The following SIPA1L3 variants were observed in gnomAD, a reference collection of about 807,000 sequenced individuals.
SIPA1L3 encodes signal induced proliferation associated 1 like 3, also known as signal-induced proliferation-associated 1-like protein 3.
Under a neutral mutation model 150.1 loss-of-function variants are expected in SIPA1L3, and 59 were observed. The ratio of observed to expected loss-of-function variants is 0.39; its 90% confidence interval spans 0.32 to 0.49. The LOEUF is 0.49. Among genes scored for constraint, SIPA1L3 ranks in the 20% least tolerant of loss-of-function variants. The pLI, the probability that SIPA1L3 is intolerant of heterozygous loss-of-function variation, is 0.86. For missense variants in SIPA1L3, 2,211 were observed against 2,489.5 expected (o/e 0.89, Z 2.38); for synonymous variants, 1,070 against 1,077.6 (o/e 0.99, Z 0.14).
chr19:37,966,779 G>A (rs1036196027), intron 1 of SIPA1L3, among the ~76,000 whole-genome samples: 3 of 152,182 alleles, frequency 2.0e-5, no homozygotes, highest in Non-Finnish European at 2.9e-5. Context: ...CTGGGGGAAG[G>A]GAAAGGCAGA....
At chr19:37,925,637 A>G (rs2046497055) in intron 1 of SIPA1L3, among the ~76,000 whole-genome samples, 1 of 124,938 alleles carries the variant, frequency 8.0e-6, no homozygotes, top group East Asian at 2.2e-4. Context: ...CTCTGTTGCC[A>G]GGCTGGAGTG....
rs753217396 is a variant in SIPA1L3, at chr19:38,198,537, G to GC, written c.4984+6dup. On this transcript the variant is annotated splice_donor_region_variant and intron_variant, in intron 19 of 21. Transcript: ENST00000222345. The stretch of plus-strand genomic sequence containing the variant: ...ACGCAGCCAAGGCATACGAAGGTAG[G>GC]CGCCTTCCACCCAGTCCCGCCAGGC... 12 of 1,539,670 alleles carry GC rather than the reference G, an allele frequency of 7.8e-6. No individual in the cohort carries two copies. The highest frequency in any genetic ancestry group is 2.0e-5 in the Admixed American group (1 of 48,994).
intron 1 of SIPA1L3, among the ~76,000 whole-genome samples, chr19:37,937,768 C>G (rs1286661876): frequency 2.3e-5 from 1 of 44,308 alleles, no homozygotes. Flanking sequence ...AAAAAAAGAC[C>G]AGGCACGGTG....
At chr19:38,034,947 GA>G (rs1173802560) in intron 2 of SIPA1L3, among the ~76,000 whole-genome samples, 1 of 152,180 alleles carries the variant, frequency 6.6e-6, no homozygotes, top group Non-Finnish European at 1.5e-5. Context: ...GTGGTGACTG[GA>G]CCAGCCTCAT....
chr19:38,062,968 C>T (rs934298487), intron 2 of SIPA1L3, among the ~76,000 whole-genome samples: 3 of 152,126 alleles, frequency 2.0e-5, no homozygotes, highest in Admixed American at 1.3e-4. Flanking sequence ...AGGGCAGACT[C>T]GAGTCAGCCA....
intron 2 of SIPA1L3, among the ~76,000 whole-genome samples, chr19:38,063,666 C>A (rs939567136): frequency 6.6e-6 from 1 of 152,100 alleles, no homozygotes; most frequent in African/African-American, 2.4e-5. Context: ...GAGGAGGGCG[C>A]GTACTAAGTA....
chr19:38,127,237 C>G (rs1374353424), intron 9 of SIPA1L3, among the ~76,000 whole-genome samples: 5 of 152,192 alleles, frequency 3.3e-5, no homozygotes, highest in Non-Finnish European at 5.9e-5. Context: ...ACAATAGTTA[C>G]TGACCCATGG....
intron 1 of SIPA1L3, among the ~76,000 whole-genome samples, chr19:37,941,564 A>G (rs1433594365): frequency 6.6e-6 from 1 of 151,860 alleles, no homozygotes; most frequent in African/African-American, 2.4e-5. Context: ...GAGCTTGCCA[A>G]TAAACAGATG....
At chr19:38,012,306 G>A (rs984501448) in intron 1 of SIPA1L3, among the ~76,000 whole-genome samples, 1 of 151,756 alleles carries the variant, frequency 6.6e-6, no homozygotes, top group African/African-American at 2.4e-5. Flanking sequence ...GGCTGATTTC[G>A]AACTCCTGAC....
At chr19:38,109,246 G>C (rs953819836) in intron 7 of SIPA1L3, 11 of 152,168 alleles carry the variant, frequency 7.2e-5, no homozygotes, top group Non-Finnish European at 1.5e-4. Flanking sequence ...AGGCAAAGAA[G>C]AACCAAAATC....
intron 10 of SIPA1L3, among the ~76,000 whole-genome samples, chr19:38,133,972 C>T (rs1255326051): frequency 2.0e-5 from 3 of 152,010 alleles, no homozygotes; most frequent in East Asian, 3.9e-4. Context: ...AGCAAGACCT[C>T]GCCACTACAA....
At chr19:38,012,089 CT>C (rs59957165) in intron 1 of SIPA1L3, among the ~76,000 whole-genome samples, 8,615 of 140,290 alleles carry the variant, frequency 0.061, 693 homozygotes, top group African/African-American at 0.19. Flanking sequence ...TGGGCTGTGT[CT>C]TTTTTTTTTT....
At chr19:38,031,326 C>T (rs542822564) in intron 2 of SIPA1L3, among the ~76,000 whole-genome samples, 10 of 152,156 alleles carry the variant, frequency 6.6e-5, no homozygotes, top group Admixed American at 4.6e-4. Flanking sequence ...AGTTTTTCTG[C>T]GGATGTCCTT....
intron 1 of SIPA1L3, among the ~76,000 whole-genome samples, chr19:38,026,016 C>T (rs1241520409): frequency 6.6e-6 from 1 of 152,160 alleles, no homozygotes; most frequent in Non-Finnish European, 1.5e-5. Context: ...TGCCTCTGCC[C>T]TTCTGTGTTA....
intron 12 of SIPA1L3, among the ~76,000 whole-genome samples, chr19:38,145,361 G>A (rs986129270): frequency 2.0e-5 from 3 of 151,622 alleles, no homozygotes; most frequent in East Asian, 1.9e-4. Context: ...ATGAAACCCC[G>A]TCTCTACTGA....
intron 18 of SIPA1L3, among the ~76,000 whole-genome samples, chr19:38,194,286 C>T (rs1276920625): frequency 6.6e-6 from 1 of 152,154 alleles, no homozygotes; most frequent in East Asian, 1.9e-4. Flanking sequence ...GTACTGCGCA[C>T]ACCACCCGCA....
At position 38,082,026 on chromosome 19, in the gene SIPA1L3, G is replaced by A. The variant is rs751383460; in HGVS notation, c.461G>A (p.Gly154Glu). 1.9e-6 allele frequency: 3 copies of A among 1,613,984 alleles called. No homozygotes were observed. The highest frequency in any genetic ancestry group is 4.5e-5 in the East Asian group (2 of 44,888). ...RRSKDVEFQD[G>E]WPRSPGRAFL... The stretch of plus-strand genomic sequence containing the variant: ...TCCAAAGACGTGGAGTTCCAGGACG[G>A]GTGGCCCCGGTCCCCCGGCAGGGCC... Residue 154 changes from glycine (G) to glutamate (E), a missense_variant, in exon 3 of 22, where the codon GGG becomes GAG. By Grantham distance (98) the Gly-to-Glu change is moderately conservative. Transcript: ENST00000222345.
intron 1 of SIPA1L3, among the ~76,000 whole-genome samples, chr19:37,944,558 CCT>C (rs1210166179): frequency 6.6e-6 from 1 of 152,062 alleles, no homozygotes; most frequent in Admixed American, 6.6e-5. Context: ...AAGGATTTAC[CCT>C]GTTAATGTAT....
rs754689077 is a variant in SIPA1L3, at chr19:38,193,771, G to A, written c.4831G>A (p.Glu1611Lys). 22 of 1,571,014 alleles carry A rather than the reference G, an allele frequency of 1.4e-5. No individual in the cohort carries two copies. The highest frequency in any genetic ancestry group is 5.7e-5 in the South Asian group (5 of 86,978). ...CCCTGCCGCCGGCAGCGGCTTTCCCGAGAAGAAATGTGAGCCTGGGCCCCC... is the reference window on the plus strand; with the variant it reads ...CCCTGCCGCCGGCAGCGGCTTTCCCAAGAAGAAATGTGAGCCTGGGCCCCC... ...ATPAAGSGFP[E>K]KKSTISASEL... The change falls in exon 18 of 22, where the codon GAG becomes AAG. Residue 1611 changes from glutamate (E) to lysine (K), a missense_variant. Transcript: ENST00000222345.
Sources: gnomAD v4.1 joint callset for allele counts (sites outside exome capture counted in the v4.1 genomes callset) on GRCh38, gnomAD v4.1.1 for gene constraint, MANE v1.5 for transcripts, NCBI Gene and HGNC (gene_info 2026-07-23, HGNC 2026-07-21) for gene names.